The following GTF3C2 variants were observed in gnomAD, a reference collection of about 807,000 sequenced individuals.
GTF3C2 encodes general transcription factor 3C polypeptide 2.
A neutral mutation model predicts 117.4 loss-of-function variants in GTF3C2; 17 were observed. That is an observed-to-expected ratio of 0.14 (90% confidence interval 0.10 to 0.22). The LOEUF (loss-of-function observed/expected upper bound fraction) is 0.22, where lower values mean the gene tolerates loss of function less well. Among genes scored for constraint, GTF3C2 ranks in the 10% least tolerant of loss-of-function variants. The pLI is 1.00. For missense variants in GTF3C2, 888 were observed against 1,143.6 expected (o/e 0.78, Z 3.22); for synonymous variants, 437 against 427.0 (o/e 1.02, Z -0.29).
rs546776806 is a variant in GTF3C2, at chr2:27,334,364, C to T, written c.1577-365G>A. On this transcript the variant is annotated intron_variant, in intron 10 of 18. Coordinates refer to ENST00000264720, the Ensembl canonical transcript of GTF3C2. The stretch of plus-strand genomic sequence containing the variant: ...CCTCTATCTGTTCCCATCTTCTTTC[C>T]TTCTGTTACACCTGATAGTATCCTT... 2.0e-5 allele frequency among the ~76,000 whole-genome samples: 3 copies of T among 152,200 alleles called. No homozygotes were observed. In the South Asian group the frequency reaches 6.2e-4, roughly 32 times the overall value.
chr2:27,343,382 G>A, exon 2 of GTF3C2: 1 of 1,614,034 alleles, frequency 6.2e-7, no homozygotes, highest in South Asian at 1.1e-5. Context: ...CTCAAATCCA[G>A]GCAAAGGGGT....
chr2:27,350,575 G>A (rs1233783587), intron 1 of GTF3C2: 2 of 875,316 alleles, frequency 2.3e-6, no homozygotes, highest in Non-Finnish European at 1.4e-6. Context: ...CAAGGTGGGA[G>A]GATCGCTTGA....
intron 16 of GTF3C2, 100 bp from the exon 17 acceptor site, chr2:27,328,289 T>C (rs1424518829): frequency 8.5e-6 from 9 of 1,054,224 alleles, no homozygotes; most frequent in Non-Finnish European, 1.3e-5. Context: ...TGGAAAAAAG[T>C]AGTATCTTTA....
intron 1 of GTF3C2, among the ~76,000 whole-genome samples, chr2:27,355,133 T>C (rs189633096): frequency 1.4e-4 from 21 of 152,332 alleles, no homozygotes; most frequent in Admixed American, 7.2e-4. Context: ...GAAAGAATTC[T>C]TCCCCACTCT....
intron 1 of GTF3C2, among the ~76,000 whole-genome samples, chr2:27,344,025 A>AT (rs556013357): frequency 0.39 from 56,443 of 145,700 alleles, 10,969 homozygotes; most frequent in Admixed American, 0.43. Context: ...TAAAGCTTCC[A>AT]TTTTTTTTTT....
At chr2:27,328,765 T>C (rs1680179953) in intron 15 of GTF3C2, 79 bp downstream of exon 15, 3 of 1,148,704 alleles carry the variant, frequency 2.6e-6, no homozygotes, top group Admixed American at 3.8e-5. Flanking sequence ...TACCCAAAAC[T>C]ACTGCCTCTG....
intron 1 of GTF3C2, among the ~76,000 whole-genome samples, chr2:27,348,470 T>C (rs945103539): frequency 1.3e-5 from 2 of 151,834 alleles, no homozygotes; most frequent in Non-Finnish European, 2.9e-5. Flanking sequence ...CGAAAACATG[T>C]ATCATAACAA....
chr2:27,356,237 G>A, intron 1 of GTF3C2: 1 of 516,376 alleles, frequency 1.9e-6, no homozygotes, highest in South Asian at 1.5e-5. Flanking sequence ...GCGTTGCAGC[G>A]CGCGGGGCAC....
At chr2:27,346,938 C>T (rs1453262685) in intron 1 of GTF3C2, among the ~76,000 whole-genome samples, 4 of 152,150 alleles carry the variant, frequency 2.6e-5, no homozygotes, top group Admixed American at 2.6e-4. Flanking sequence ...TCAAGAGATC[C>T]TCCCACCTTG....
intron 7 of GTF3C2, 164 bp downstream of exon 7, chr2:27,337,080 C>A: frequency 1.6e-6 from 1 of 616,966 alleles, no homozygotes. Context: ...ATGAACACTA[C>A]AAATCAGAGA....
chr2:27,334,199 CCTTT>C (rs1443170497), intron 10 of GTF3C2, among the ~76,000 whole-genome samples, 200 bp from the exon 11 acceptor site: 23 of 151,024 alleles, frequency 1.5e-4, no homozygotes, highest in Admixed American at 3.3e-4. Flanking sequence ...CCAGGCCTTG[CCTTT>C]TTTTTTTTTT....
At chr2:27,327,423 T>G (rs1411807592) in intron 17 of GTF3C2, 139 bp from the exon 18 acceptor site, 2 of 469,968 alleles carry the variant, frequency 4.3e-6, no homozygotes, top group Non-Finnish European at 7.6e-6. Flanking sequence ...CTTCCCAGGT[T>G]CAAGTGATTC....
chr2:27,338,255 C>T (rs1386051407), intron 4 of GTF3C2: 2 of 501,478 alleles, frequency 4.0e-6, no homozygotes, highest in Non-Finnish European at 7.2e-6. Flanking sequence ...TCAGCTTCCT[C>T]AACATCTCCA....
At chr2:27,354,207 CAGG>C (rs1681243611) in intron 1 of GTF3C2, among the ~76,000 whole-genome samples, 1 of 151,992 alleles carries the variant, frequency 6.6e-6, no homozygotes, top group Admixed American at 6.6e-5. Context: ...CGCCTGAGCC[CAGG>C]AGTTCAAGGT....
intron 1 of GTF3C2, 157 bp downstream of exon 1, chr2:27,356,582 G>A (rs1572591767): frequency 5.6e-6 from 1 of 179,196 alleles, no homozygotes; most frequent in South Asian, 1.1e-4. Flanking sequence ...GGAGCATGAT[G>A]GTGCTCTGTA....
intron 3 of GTF3C2, 63 bp downstream of exon 3, chr2:27,342,763 T>A: frequency 1.6e-6 from 2 of 1,240,598 alleles, no homozygotes; most frequent in Non-Finnish European, 2.3e-6. Flanking sequence ...CTCTCCAACA[T>A]CTGCCCCACC....
At chr2:27,349,170 CAG>C (rs1315430295) in intron 1 of GTF3C2, among the ~76,000 whole-genome samples, 7 of 110,168 alleles carry the variant, frequency 6.4e-5, no homozygotes, top group Admixed American at 3.2e-4. Context: ...TTTTTTGAGA[CAG>C]AGTCTTGCTC....
At chr2:27,349,870 C>T (rs1406833628) in intron 1 of GTF3C2, among the ~76,000 whole-genome samples, 1 of 151,776 alleles carries the variant, frequency 6.6e-6, no homozygotes. Context: ...GAACTCCTGA[C>T]CTCAAATGAT....
chr2:27,349,856 C>T (rs1175161314), intron 1 of GTF3C2, among the ~76,000 whole-genome samples: 2 of 151,716 alleles, frequency 1.3e-5, no homozygotes, highest in African/African-American at 4.8e-5. Flanking sequence ...GCCAGGCTGG[C>T]CTTGAACTCC....
Sources: gnomAD v4.1 joint callset for allele counts (sites outside exome capture counted in the v4.1 genomes callset) on GRCh38, gnomAD v4.1.1 for gene constraint, MANE v1.5 for transcripts, NCBI Gene and HGNC (gene_info 2026-07-23, HGNC 2026-07-21) for gene names.